PDE12: variants seen among roughly 807,000 people sequenced by gnomAD.
PDE12 encodes the protein 2',5'-phosphodiesterase 12.
PDE12 carries 26 observed loss-of-function variants against 45.4 expected under a neutral mutation model. That is an observed-to-expected ratio of 0.57 (90% CI 0.42 to 0.79). The LOEUF is 0.79. Ranked by LOEUF, PDE12 falls within the 30% of genes least tolerant of loss-of-function variation. PDE12 has a pLI of 0.00. For missense variants in PDE12, 668 were observed against 790.0 expected (o/e 0.85, Z 1.85); for synonymous variants, 283 against 323.9 (o/e 0.87, Z 1.36).
At chr3:57,574,810 G>A in the PDE12 span, among the ~76,000 whole-genome samples, 1 of 152,148 alleles carries the variant, frequency 6.6e-6, no homozygotes, top group Non-Finnish European at 1.5e-5. Flanking sequence ...CTTGAGTCCA[G>A]GAGTTCAAGA....
the PDE12 span, among the ~76,000 whole-genome samples, chr3:57,609,500 T>G: frequency 6.6e-6 from 1 of 151,248 alleles, no homozygotes; most frequent in African/African-American, 2.4e-5. Flanking sequence ...GCAAGACTAA[T>G]AAGAAGAGAG....
At chr3:57,630,972 A>G in the PDE12 span, 1 of 1,613,048 alleles carries the variant, frequency 6.2e-7, no homozygotes, top group Non-Finnish European at 8.5e-7. Flanking sequence ...CTTGCCACAT[A>G]TCTTTCCTAA....
At position 57,561,549 on chromosome 3, in the gene PDE12, G is replaced by A. The variant is rs1180278392; in HGVS notation, c.*1545G>A. On this transcript the variant is annotated 3_prime_UTR_variant, in exon 3 of 3. Transcript: ENST00000311180. ...AACCATGCTTTACTAATTCAGTTAT[G>A]AAATACATTATTTATAATGCATTAG... is the stretch of plus-strand genomic sequence containing the variant. 1 of 983,026 alleles carries A rather than the reference G, an allele frequency of 1.0e-6. No homozygotes were observed. The allele number at this position is 983,026 out of a possible 1,614,324, so 60.9% of individuals were successfully genotyped here.
chr3:57,570,608 C>G (rs1338410253), downstream of PDE12, among the ~76,000 whole-genome samples: 1 of 152,012 alleles, frequency 6.6e-6, no homozygotes, highest in East Asian at 1.9e-4. Flanking sequence ...TTAGCTGAAT[C>G]TTTACAAGCC....
the PDE12 span, among the ~76,000 whole-genome samples, chr3:57,651,991 A>G: frequency 6.6e-6 from 1 of 152,152 alleles, no homozygotes; most frequent in African/African-American, 2.4e-5. Context: ...TTGAGGCAAG[A>G]GTTTAAGACT....
rs1281715938 is a variant in PDE12, at chr3:57,556,316, G to A, written c.-64G>A. The stretch of plus-strand genomic sequence containing the variant: ...CAAAGCCGGCGGCCTCGGCTCCTCA[G>A]CTCCACCTGACAGTAGGCCGCTGAT... On this transcript the variant is annotated 5_prime_UTR_variant, in exon 1 of 3. Transcript: ENST00000311180. This position sits in a 1 kb window ranked among gnomAD's most constrained non-coding sequence, Gnocchi z 5.0. The A allele has an allele frequency of 3.4e-6, 5 of 1,472,518 alleles. No homozygotes were observed. Among genetic ancestry groups the A allele is most frequent in the Non-Finnish European group, 4.5e-6 (5 of 1,108,826 alleles). The allele number at this position is 1,472,518 out of a possible 1,614,324, so 91.2% of individuals were successfully genotyped here.
the PDE12 span, chr3:57,626,396 G>A: frequency 1.3e-5 from 2 of 152,154 alleles, no homozygotes; most frequent in Non-Finnish European, 2.9e-5. Flanking sequence ...CACATGCTGT[G>A]TCATGTGTGC....
downstream of PDE12, among the ~76,000 whole-genome samples, chr3:57,569,684 T>C (rs897966297): frequency 6.6e-6 from 1 of 151,830 alleles, no homozygotes; most frequent in Admixed American, 6.6e-5. Flanking sequence ...CTATAAAAAT[T>C]ACCTGGGCAT....
At chr3:57,583,978 T>G in the PDE12 span, 1 of 1,612,516 alleles carries the variant, frequency 6.2e-7, no homozygotes, top group Non-Finnish European at 8.5e-7. Flanking sequence ...AAACAAATGT[T>G]CTTATATTCT....
At chr3:57,586,098 T>TA in the PDE12 span, among the ~76,000 whole-genome samples, 6 of 152,220 alleles carry the variant, frequency 3.9e-5, no homozygotes, top group African/African-American at 1.4e-4. Context: ...TAAATGCTTG[T>TA]AAGTATGAAT....
the PDE12 span, chr3:57,597,214 C>T: frequency 2.6e-5 from 36 of 1,405,402 alleles, no homozygotes; most frequent in Non-Finnish European, 3.5e-5. Flanking sequence ...CTTTCAAGCT[C>T]CCAGGCAAAC....
chr3:57,589,838 A>G, the PDE12 span, among the ~76,000 whole-genome samples: 1 of 152,048 alleles, frequency 6.6e-6, no homozygotes, highest in Admixed American at 6.6e-5. Context: ...CACACCTGAA[A>G]TCCCAGCACT....
At chr3:57,603,017 A>C in the PDE12 span, among the ~76,000 whole-genome samples, 1 of 151,944 alleles carries the variant, frequency 6.6e-6, no homozygotes, top group African/African-American at 2.4e-5. Context: ...AAATACAAAA[A>C]TTAGCCAGGC....
chr3:57,630,293 ATC>A, the PDE12 span: 1 of 755,358 alleles, frequency 1.3e-6, no homozygotes, highest in Middle Eastern at 3.8e-4. Context: ...ATAGCACATG[ATC>A]TAGAAAAGTT....
At chr3:57,584,383 C>A in the PDE12 span, 1 of 1,604,862 alleles carries the variant, frequency 6.2e-7, no homozygotes, top group Non-Finnish European at 8.5e-7. Context: ...AACTTTCTTA[C>A]CAATGGTAGG....
At chr3:57,577,832 T>C in the PDE12 span, among the ~76,000 whole-genome samples, 1 of 151,776 alleles carries the variant, frequency 6.6e-6, no homozygotes. Context: ...AGGCCTGAAA[T>C]TGCTTGAACT....
Position 57,556,286 on chromosome 3 carries a change from T to C in PDE12, c.-94T>C. ...CTAGCCGGAAGTCGCGAGATCTGAATGAGTCAAAGCCGGCGGCCTCGGCTC... is the reference window on the plus strand; with the variant it reads ...CTAGCCGGAAGTCGCGAGATCTGAACGAGTCAAAGCCGGCGGCCTCGGCTC... On this transcript the variant is annotated 5_prime_UTR_variant, in exon 1 of 3. An upstream start codon of the reference 5' UTR is lost. Coordinates refer to ENST00000311180, the MANE Select transcript of PDE12 (RefSeq NM_177966.7). The surrounding 1 kb of genome is among the most constrained non-coding windows in gnomAD (Gnocchi z 5.0). The C allele has an allele frequency of 1.5e-6, 2 of 1,304,096 alleles. No homozygotes were observed. The highest frequency in any genetic ancestry group is 2.1e-6 in the Non-Finnish European group (2 of 975,020). The allele number at this position is 1,304,096 out of a possible 1,614,324, so 80.8% of individuals were successfully genotyped here.
the PDE12 span, among the ~76,000 whole-genome samples, chr3:57,584,849 A>AT: frequency 7.3e-6 from 1 of 137,084 alleles, no homozygotes; most frequent in African/African-American, 2.7e-5. Flanking sequence ...AACTACCAGC[A>AT]TTTTTTGGGG....
chr3:57,580,255 G>A, the PDE12 span, among the ~76,000 whole-genome samples: 12 of 151,998 alleles, frequency 7.9e-5, no homozygotes, highest in South Asian at 2.1e-4. Flanking sequence ...AACTTCATAA[G>A]CTTGTTAAAG....
Sources: gnomAD v4.1 joint callset for allele counts (sites outside exome capture counted in the v4.1 genomes callset) on GRCh38, gnomAD v4.1.1 for gene constraint, Gnocchi (gnomAD v3.1) non-coding constraint, MANE v1.5 for transcripts, NCBI Gene and HGNC (gene_info 2026-07-23, HGNC 2026-07-21) for gene names.